WDR59: variants seen among roughly 807,000 people sequenced by gnomAD.
WDR59 encodes GATOR2 complex protein WDR59.
WDR59 carries 100 observed loss-of-function variants against 131.2 expected under a neutral mutation model. The observed-to-expected ratio is 0.76, with a 90% CI of 0.65 to 0.90. The LOEUF is 0.90. WDR59 is among the 40% of genes least tolerant of loss of function. The pLI is 0.00. For synonymous variants in WDR59, 601 were observed against 466.2 expected, an observed-to-expected ratio of 1.29 and a Z score of -3.72; for missense variants, 1,203 against 1,262.2, an observed-to-expected ratio of 0.95 and a Z score of 0.71.
intron 17 of WDR59, among the ~76,000 whole-genome samples, chr16:74,907,367 G>A (rs1250667810): frequency 1.3e-5 from 2 of 152,152 alleles, no homozygotes; most frequent in African/African-American, 4.8e-5. Flanking sequence ...CATGGGGGCG[G>A]CGTCCCCCAT....
At chr16:74,948,038 T>G (rs2032754663) in intron 6 of WDR59, among the ~76,000 whole-genome samples, 1 of 151,876 alleles carries the variant, frequency 6.6e-6, no homozygotes, top group African/African-American at 2.4e-5. Flanking sequence ...CTACTGCACT[T>G]CAGCCTGGGC....
rs928517788 is a variant in WDR59, at chr16:74,965,759, G to T, written c.104+14C>A. The T allele has an allele frequency of 1.2e-6, 2 of 1,613,892 alleles. No individual in the cohort carries two copies. Among genetic ancestry groups the T allele is most frequent in the Non-Finnish European group, 1.7e-6 (2 of 1,179,928 alleles). On this transcript the variant is annotated intron_variant, in intron 2 of 25. Coordinates refer to ENST00000262144, the MANE Select transcript of WDR59 (RefSeq NM_030581.4). The stretch of plus-strand genomic sequence containing the variant: ...CCAGAAATCATGGCAGACAAACTCG[G>T]CAAGCTTACTTACCCAGAAAGCACT...
At chr16:74,901,267 C>A (rs898946631) in intron 18 of WDR59, among the ~76,000 whole-genome samples, 1 of 150,538 alleles carries the variant, frequency 6.6e-6, no homozygotes, top group Non-Finnish European at 1.5e-5. Flanking sequence ...CAAAAAAAGC[C>A]CCCAAACCAA....
chr16:74,926,003 TAAA>T (rs34876405), intron 8 of WDR59, among the ~76,000 whole-genome samples: 3 of 135,894 alleles, frequency 2.2e-5, no homozygotes, highest in African/African-American at 5.4e-5. Context: ...ATGTTTTTAA[TAAA>T]AAAAAAAAAA....
chr16:74,936,783 C>T (rs1242650530), intron 8 of WDR59, among the ~76,000 whole-genome samples: 1 of 152,058 alleles, frequency 6.6e-6, no homozygotes, highest in African/African-American at 2.4e-5. Flanking sequence ...CGAGATCACA[C>T]CACTGCACTC....
chr16:74,957,598 T>C lies in WDR59; in HGVS notation c.105-988A>G, dbSNP rs567162492. ...AAAAGGAATAATAATTAAAATAACA[T>C]ATGAAGTGCCAGTAATGTTTAAGGT... On this transcript the variant is annotated intron_variant, in intron 2 of 25. Coordinates refer to ENST00000262144, the MANE Select transcript of WDR59 (RefSeq NM_030581.4). Among the ~76,000 whole-genome samples the C allele has an allele frequency of 7.2e-5, 11 of 152,200 alleles. No individual in the cohort carries two copies. The South Asian group carries it at 2.3e-3, about 32-fold the overall frequency.
At chr16:74,905,329 T>C (rs560040310) in intron 17 of WDR59, among the ~76,000 whole-genome samples, 7 of 151,204 alleles carry the variant, frequency 4.6e-5, no homozygotes, top group South Asian at 4.2e-4. Flanking sequence ...GAGCTGAGAT[T>C]GCGCCATTGC....
intron 15 of WDR59, 58 bp from the exon 16 acceptor site, chr16:74,909,715 A>G: frequency 6.4e-7 from 1 of 1,552,850 alleles, no homozygotes; most frequent in Non-Finnish European, 8.7e-7. Flanking sequence ...CTGAACTACA[A>G]AATAAAGACC....
intron 2 of WDR59, among the ~76,000 whole-genome samples, chr16:74,960,151 G>GA (rs926691532): frequency 3.3e-5 from 5 of 151,748 alleles, no homozygotes; most frequent in Admixed American, 6.6e-5. Context: ...GCAAAACGGT[G>GA]AAACCCCGTT....
At chr16:74,897,676 T>C (rs954142179) in intron 18 of WDR59, among the ~76,000 whole-genome samples, 1 of 152,170 alleles carries the variant, frequency 6.6e-6, no homozygotes, top group Non-Finnish European at 1.5e-5. Flanking sequence ...AGGATCACCC[T>C]AATTAGAGTT....
At chr16:74,982,292 C>A (rs571701639) in intron 1 of WDR59, among the ~76,000 whole-genome samples, 1 of 151,952 alleles carries the variant, frequency 6.6e-6, no homozygotes. Flanking sequence ...CCAATCATCA[C>A]CAGAATCACC....
rs117794316 is a variant in WDR59 at position 74,888,909 on chromosome 16, A to G, written c.2196-590T>C. On this transcript the variant is annotated intron_variant, in intron 21 of 25. Coordinates refer to ENST00000262144, the MANE Select transcript of WDR59 (RefSeq NM_030581.4). ...TTCAGGAAGATTATGCTAGAATGTG[A>G]GTAAGGAATCAGAGGGGCTTTGCCT... Among the ~76,000 whole-genome samples the G allele has an allele frequency of 1.6e-3, 242 of 152,336 alleles. 7 individuals are homozygous for G. In the East Asian group the frequency reaches 0.043, roughly 27 times the overall value.
rs765621304 is a variant in WDR59 at position 74,887,702 on chromosome 16, G to T, written c.2400C>A (p.Asn800Lys). The change falls in exon 23 of 26, where the codon AAC becomes AAA. Residue 800 changes from asparagine (N) to lysine (K), a missense_variant. Asn to Lys is a moderately conservative substitution (Grantham distance 94, BLOSUM62 0). Transcript: ENST00000262144. ...SCSSMSDPGL[N>K]TGGWNIAGRE... The stretch of plus-strand genomic sequence containing the variant: ...ACAAACCTATGTTCCAGCCGCCAGT[G>T]TTGAGCCCTGGGTCTGACATACTGG... 1 of 1,614,162 alleles carries T rather than the reference G, an allele frequency of 6.2e-7. No individual in the cohort carries two copies. The highest frequency in any genetic ancestry group is 1.7e-5 in the Admixed American group (1 of 60,020).
intron 1 of WDR59, among the ~76,000 whole-genome samples, chr16:74,982,232 T>C (rs1478540810): frequency 1.3e-5 from 2 of 151,948 alleles, no homozygotes; most frequent in Non-Finnish European, 2.9e-5. Flanking sequence ...AGTTTTAACT[T>C]TGTCTTTCTA....
intron 19 of WDR59, among the ~76,000 whole-genome samples, chr16:74,892,868 C>T (rs1004453364): frequency 1.1e-4 from 17 of 152,272 alleles, no homozygotes; most frequent in African/African-American, 4.1e-4. Flanking sequence ...GTTCCCAAGC[C>T]GTGAGGGTTG....
chr16:74,972,432 A>G (rs1487024174), intron 1 of WDR59, among the ~76,000 whole-genome samples: 2 of 152,178 alleles, frequency 1.3e-5, no homozygotes, highest in East Asian at 1.9e-4. Flanking sequence ...AACAGACCAC[A>G]ATTTATCAAA....
At chr16:74,972,474 T>A (rs901457619) in intron 1 of WDR59, among the ~76,000 whole-genome samples, 1 of 151,996 alleles carries the variant, frequency 6.6e-6, no homozygotes, top group Non-Finnish European at 1.5e-5. Context: ...TCTCCAGGCA[T>A]AAAATGGAGG....
chr16:74,929,414 C>G (rs1314011830), intron 8 of WDR59, among the ~76,000 whole-genome samples: 1 of 152,162 alleles, frequency 6.6e-6, no homozygotes, highest in African/African-American at 2.4e-5. Flanking sequence ...AAATGGCAAA[C>G]AGTATATGAA....
At chr16:74,918,596 T>C (rs2144983421) in intron 10 of WDR59, among the ~76,000 whole-genome samples, 1 of 152,346 alleles carries the variant, frequency 6.6e-6, no homozygotes, top group Middle Eastern at 3.4e-3. Context: ...TGAATCATAT[T>C]TTCATCTTAA....
Sources: allele counts gnomAD v4.1 joint callset (sites outside exome capture counted in the v4.1 genomes callset), GRCh38; gene constraint gnomAD v4.1.1; transcripts MANE v1.5; gene names NCBI Gene and HGNC (gene_info 2026-07-23, HGNC 2026-07-21).